The following CDK5RAP2 variants were observed in gnomAD, a reference collection of about 807,000 sequenced individuals.
CDK5RAP2 encodes CDK5 regulatory subunit-associated protein 2.
Under a neutral mutation model 232.9 loss-of-function variants are expected in CDK5RAP2, and 147 were observed. The ratio of observed to expected loss-of-function variants is 0.63; its 90% CI spans 0.55 to 0.72. The LOEUF (loss-of-function observed/expected upper bound fraction) is 0.72, where lower values mean the gene tolerates loss of function less well. CDK5RAP2 is among the 30% of genes least tolerant of loss of function. CDK5RAP2 has a pLI of 0.00. For synonymous variants in CDK5RAP2, 833 were observed against 833.7 expected (o/e 1.00, Z 0.01); for missense variants, 2,195 against 2,231.5 (o/e 0.98, Z 0.33).
chr9:120,488,081 C>G (rs1324915464), intron 13 of CDK5RAP2, among the ~76,000 whole-genome samples: 1 of 152,132 alleles, frequency 6.6e-6, no homozygotes, highest in Admixed American at 6.5e-5. Flanking sequence ...GACCGGAGAC[C>G]ATATCTCTAG....
At chr9:120,497,358 C>T (rs1302891700) in intron 12 of CDK5RAP2, among the ~76,000 whole-genome samples, 1 of 80,928 alleles carries the variant, frequency 1.2e-5, no homozygotes, top group Non-Finnish European at 2.0e-5. Flanking sequence ...ACTATTGTCC[C>T]ATGACCCTGC....
At chr9:120,540,680 T>A (rs1003813078) in intron 5 of CDK5RAP2, among the ~76,000 whole-genome samples, 1 of 152,256 alleles carries the variant, frequency 6.6e-6, no homozygotes, top group African/African-American at 2.4e-5. Context: ...TCAGTGGGAC[T>A]CTGGGTGAAT....
rs1479555763 is a variant in CDK5RAP2 at position 120,402,920 on chromosome 9, A to C, written c.5193T>G (p.Ile1731Met). Residue 1731 changes from isoleucine to methionine, a missense_variant, in exon 34 of 38, where the codon ATT (isoleucine) becomes ATG (methionine). Ile to Met is a conservative substitution (Grantham distance 10). Coordinates refer to ENST00000349780, the MANE Select transcript of CDK5RAP2 (RefSeq NM_018249.6). ...SKNGRHVLGL[I>M]EDYEALLKQI... ...GTTTGAGCAGGGCCTCATAGTCCTCAATCAGGCCCAGGACATGGCGGCCAT... is the reference window on the plus strand; with the variant it reads ...GTTTGAGCAGGGCCTCATAGTCCTCCATCAGGCCCAGGACATGGCGGCCAT... The C allele has an allele frequency of 1.2e-6, 2 of 1,614,152 alleles. No homozygotes were observed. Among genetic ancestry groups the C allele is most frequent in the African/African-American group, 2.7e-5 (2 of 75,034 alleles).
intron 7 of CDK5RAP2, among the ~76,000 whole-genome samples, chr9:120,532,779 G>T (rs2041210685): frequency 6.6e-6 from 1 of 152,124 alleles, no homozygotes; most frequent in Non-Finnish European, 1.5e-5. Context: ...TTGGGTTTTG[G>T]TGCCTCTCCA....
intron 22 of CDK5RAP2, among the ~76,000 whole-genome samples, chr9:120,445,014 A>G (rs1282397533): frequency 1.3e-5 from 2 of 152,016 alleles, no homozygotes; most frequent in South Asian, 4.1e-4. Context: ...TCCCTGACCC[A>G]CTCTGGAAAT....
intron 27 of CDK5RAP2, among the ~76,000 whole-genome samples, chr9:120,418,004 A>ACTAAAAATGATGTT (rs2034338368): frequency 1.3e-5 from 2 of 152,386 alleles, no homozygotes; most frequent in Admixed American, 1.3e-4. Context: ...TTCTAAAGCC[A>ACTAAAAATGATGTT]CTAAAAATGA....
rs2035031559 is a variant in CDK5RAP2, at chr9:120,428,030, C to A, written c.3956-5289G>T. ...TACTGGGTACATAACGAAATGAAGG[C>A]AGAAATAAAAATGTTCTTTGAAGCC... On this transcript the variant is annotated intron_variant, in intron 25 of 37. Transcript: ENST00000349780. Among the ~76,000 whole-genome samples the A allele has an allele frequency of 2.0e-5, 3 of 152,128 alleles. No homozygotes were observed. The South Asian group carries it at 6.2e-4, about 32-fold the overall frequency.
intron 15 of CDK5RAP2, among the ~76,000 whole-genome samples, chr9:120,474,153 A>C (rs2037877268): frequency 6.6e-6 from 1 of 152,242 alleles, no homozygotes; most frequent in South Asian, 2.1e-4. Context: ...TGTGTTGAGG[A>C]ATAAATGAGA....
chr9:120,517,404 C>G (rs1186103009), intron 12 of CDK5RAP2, among the ~76,000 whole-genome samples: 1 of 152,120 alleles, frequency 6.6e-6, no homozygotes, highest in Non-Finnish European at 1.5e-5. Context: ...GAGTCCTCTA[C>G]TCTAATGACT....
chr9:120,426,565 GTGGA>G (rs2034916348), intron 25 of CDK5RAP2, among the ~76,000 whole-genome samples: 1 of 152,160 alleles, frequency 6.6e-6, no homozygotes, highest in Admixed American at 6.5e-5. Context: ...CTTTTCTTAT[GTGGA>G]TGAAGTCCCA....
intron 18 of CDK5RAP2, among the ~76,000 whole-genome samples, chr9:120,466,456 T>G (rs192356159): frequency 6.6e-6 from 1 of 152,194 alleles, no homozygotes; most frequent in Non-Finnish European, 1.5e-5. Context: ...GATAAAAGAC[T>G]CAACAAATCT....
intron 19 of CDK5RAP2, 62 bp downstream of exon 19, chr9:120,460,510 G>C: frequency 6.7e-7 from 1 of 1,502,466 alleles, no homozygotes; most frequent in Non-Finnish European, 9.3e-7. Context: ...TTCCAGACTC[G>C]AAGACTGATT....
chr9:120,542,222 G>A (rs755133206), intron 5 of CDK5RAP2, among the ~76,000 whole-genome samples: 4 of 152,212 alleles, frequency 2.6e-5, no homozygotes, highest in Non-Finnish European at 4.4e-5. Flanking sequence ...AGAAAAGCAC[G>A]GCCAGGCATG....
chr9:120,452,537 C>T (rs1167946814), intron 21 of CDK5RAP2, among the ~76,000 whole-genome samples: 2 of 151,816 alleles, frequency 1.3e-5, no homozygotes, highest in African/African-American at 4.8e-5. Context: ...GAAACACGAC[C>T]TATTTCCTTC....
rs1178264818 is a variant in CDK5RAP2, at chr9:120,439,899, G to A, written c.3222C>T (p.Ser1074=). Residue 1074 remains serine, a synonymous_variant, in exon 24 of 38, where the codon AGC becomes AGT. Coordinates refer to ENST00000349780, the MANE Select transcript of CDK5RAP2 (RefSeq NM_018249.6). ...SCKENPEDVL[S]PTSVATYLSS... ...TCAGGTAAGTAGCTACTGAAGTTGG[G>A]CTCAGAACATCTTCAGGATTTTCTT... 1 of 1,614,056 alleles carries A rather than the reference G, an allele frequency of 6.2e-7. No homozygotes were observed. Among genetic ancestry groups the A allele is most frequent in the African/African-American group, 1.3e-5 (1 of 74,924 alleles).
chr9:120,416,442 A>T (rs1466779152), intron 27 of CDK5RAP2, among the ~76,000 whole-genome samples: 1 of 152,234 alleles, frequency 6.6e-6, no homozygotes, highest in African/African-American at 2.4e-5. Flanking sequence ...ATATCACAGA[A>T]CTCTACTTAA....
rs758573455 is a variant in CDK5RAP2 at position 120,468,005 on chromosome 9, G to A, written c.1969-8C>T. 4.3e-6 allele frequency: 7 copies of A among 1,613,740 alleles called. No individual in the cohort carries two copies. Among genetic ancestry groups the A allele is most frequent in the Non-Finnish European group, 5.9e-6 (7 of 1,179,794 alleles). Reference sequence around the variant, plus strand: ...CTGTATAAGGTCACTGACCTAGGAGGTAAGAACAGGGAAAAGGCTGTCTAC... The same window carrying A: ...CTGTATAAGGTCACTGACCTAGGAGATAAGAACAGGGAAAAGGCTGTCTAC... On this transcript the variant is annotated splice_polypyrimidine_tract_variant and splice_region_variant and intron_variant, in intron 17 of 37. Coordinates refer to ENST00000349780, the MANE Select transcript of CDK5RAP2 (RefSeq NM_018249.6).
chr9:120,488,251 T>C (rs1355864047), intron 13 of CDK5RAP2, among the ~76,000 whole-genome samples: 2 of 152,156 alleles, frequency 1.3e-5, no homozygotes, highest in African/African-American at 2.4e-5. Context: ...AGAAATTAGG[T>C]GAACACAAAC....
chr9:120,411,400 G>T lies in CDK5RAP2; in HGVS notation c.4372C>A (p.Gln1458Lys). The T allele has an allele frequency of 1.9e-6, 3 of 1,612,970 alleles. No individual in the cohort carries two copies. The highest frequency in any genetic ancestry group is 1.7e-6 in the Non-Finnish European group (2 of 1,178,964). ...AGCATTGCATTGAGGGCCTGGTTCT[G>T]CTTCCTCAAGAAATGAATTTCTGAT... ...LTSEIHFLRK[Q>K]NQALNAMLIK... The change falls in exon 29 of 38, where the codon CAG becomes AAG. Residue 1458 changes from glutamine to lysine, a missense_variant. Coordinates refer to ENST00000349780, the MANE Select transcript of CDK5RAP2 (RefSeq NM_018249.6).
Sources: gnomAD v4.1 joint callset for allele counts (sites outside exome capture counted in the v4.1 genomes callset) on GRCh38, gnomAD v4.1.1 for gene constraint, MANE v1.5 for transcripts, NCBI Gene and HGNC (gene_info 2026-07-23, HGNC 2026-07-21) for gene names.